KCNJ16: variants seen among roughly 807,000 people sequenced by gnomAD.
The protein encoded by KCNJ16 is potassium inwardly rectifying channel subfamily J member 16, also known as inward rectifier potassium channel 16.
KCNJ16 carries 15 observed loss-of-function variants against 18.5 expected under a neutral mutation model. That is an observed-to-expected ratio of 0.81 (90% CI 0.54 to 1.25). KCNJ16 has a LOEUF of 1.25. KCNJ16 is among the 50% of genes most tolerant of loss of function. The pLI, the probability that KCNJ16 is intolerant of heterozygous loss-of-function variation, is 0.00. For missense variants in KCNJ16, 523 were observed against 525.7 expected (o/e 0.99, Z 0.05); for synonymous variants, 174 against 186.5 (o/e 0.93, Z 0.55).
At position 70,104,736 on chromosome 17, in the gene KCNJ16, G is replaced by C. The variant is rs140339551; in HGVS notation, c.-191+3970G>C. On this transcript the variant is annotated intron_variant, in intron 2 of 3. Transcript: ENST00000392671. ...GATCAGAAAACAAAGATGTAAATAG[G>C]CATGGAAGAAGGCTATTCTTGGTTC... The C allele has an allele frequency of 3.9e-5, 6 of 152,580 alleles. No individual in the cohort carries two copies. The South Asian group carries it at 1.2e-3, about 32-fold the overall frequency. 9.5% of individuals were successfully genotyped at this position (152,580 alleles called of 1,614,324 possible).
At chr17:70,089,102 C>T (rs1490290410) in intron 1 of KCNJ16, among the ~76,000 whole-genome samples, 2 of 152,162 alleles carry the variant, frequency 1.3e-5, no homozygotes, top group African/African-American at 4.8e-5. Flanking sequence ...GTATGTAACA[C>T]AGGAATACAA....
At chr17:70,084,746 G>A (rs961636499) in intron 1 of KCNJ16, among the ~76,000 whole-genome samples, 6 of 151,982 alleles carry the variant, frequency 3.9e-5, no homozygotes, top group Non-Finnish European at 7.4e-5. Flanking sequence ...TGTTTGCCCC[G>A]CTTTCATATA....
At chr17:70,129,143 C>G (rs1388741841) in intron 2 of KCNJ16, among the ~76,000 whole-genome samples, 1 of 152,184 alleles carries the variant, frequency 6.6e-6, no homozygotes, top group Non-Finnish European at 1.5e-5. Flanking sequence ...GAAAGTCTTT[C>G]AATAGCCACC....
Position 70,132,125 on chromosome 17 carries a change from C to T in KCNJ16, c.38C>T (p.Ala13Val), listed in dbSNP as rs1392070150. 6.2e-6 allele frequency: 10 copies of T among 1,614,138 alleles called. No individual in the cohort carries two copies. Among genetic ancestry groups the T allele is most frequent in the Middle Eastern group, 1.6e-4 (1 of 6,062 alleles). The part of the protein sequence containing the change: ...YYGSSYHIIN[A>V]DAKYPGYPPE... Reference sequence around the variant, plus strand: ...GGCAGCAGCTATCATATTATCAATGCGGACGCAAAATACCCAGGCTACCCG... The same window carrying T: ...GGCAGCAGCTATCATATTATCAATGTGGACGCAAAATACCCAGGCTACCCG... The change falls in exon 4 of 4, where the codon GCG becomes GTG. Residue 13 changes from alanine (A) to valine (V), a missense_variant. Ala to Val is a moderately conservative substitution (Grantham distance 64). Transcript: ENST00000392671.
intron 1 of KCNJ16, among the ~76,000 whole-genome samples, chr17:70,075,683 A>G (rs576541066): frequency 6.6e-6 from 1 of 152,284 alleles, no homozygotes; most frequent in East Asian, 1.9e-4. Context: ...AATGTCTAAA[A>G]GTGGCTTTAT....
At chr17:70,083,573 T>C (rs1329282613) in intron 1 of KCNJ16, among the ~76,000 whole-genome samples, 2 of 152,080 alleles carry the variant, frequency 1.3e-5, no homozygotes, top group African/African-American at 4.8e-5. Flanking sequence ...CTGTACAGGC[T>C]TGTAGCTTAG....
chr17:70,102,824 T>C (rs1188383573), intron 2 of KCNJ16, among the ~76,000 whole-genome samples: 2 of 152,172 alleles, frequency 1.3e-5, no homozygotes, highest in Admixed American at 6.5e-5. Context: ...TGTTGTGACA[T>C]CTTTCATCAA....
At chr17:70,111,487 T>G (rs1300532081) in intron 2 of KCNJ16, among the ~76,000 whole-genome samples, 3 of 152,112 alleles carry the variant, frequency 2.0e-5, no homozygotes, top group Non-Finnish European at 4.4e-5. Flanking sequence ...GTTGCACTAT[T>G]AGACTTCCTG....
intron 2 of KCNJ16, among the ~76,000 whole-genome samples, chr17:70,103,333 T>TCACACATA (rs1276631412): frequency 6.8e-5 from 2 of 29,368 alleles, no homozygotes; most frequent in Non-Finnish European, 1.6e-4. Flanking sequence ...CACACACATA[T>TCACACATA]ATATATATTT....
intron 1 of KCNJ16, among the ~76,000 whole-genome samples, chr17:70,080,102 A>T (rs1465027973): frequency 6.6e-6 from 1 of 152,202 alleles, no homozygotes; most frequent in Non-Finnish European, 1.5e-5. Flanking sequence ...TTTCTGAGAC[A>T]CTGACAGTGA....
intron 1 of KCNJ16, among the ~76,000 whole-genome samples, chr17:70,097,304 G>A (rs140929012): frequency 3.8e-4 from 58 of 152,234 alleles, no homozygotes; most frequent in African/African-American, 1.3e-3. Flanking sequence ...AACATTTTTG[G>A]AGCAAATATT....
chr17:70,122,496 T>C (rs752728217), intron 2 of KCNJ16, among the ~76,000 whole-genome samples: 2 of 152,162 alleles, frequency 1.3e-5, no homozygotes, highest in Non-Finnish European at 2.9e-5. Flanking sequence ...TTTAAAAAGG[T>C]ACATGTAATT....
chr17:70,111,756 C>T (rs1329759493), intron 2 of KCNJ16, among the ~76,000 whole-genome samples: 4 of 152,000 alleles, frequency 2.6e-5, no homozygotes, highest in South Asian at 2.1e-4. Flanking sequence ...GTAAGTCTCA[C>T]GAGAGCTGAT....
At chr17:70,085,094 T>C (rs1249190473) in intron 1 of KCNJ16, among the ~76,000 whole-genome samples, 2 of 152,200 alleles carry the variant, frequency 1.3e-5, no homozygotes, top group African/African-American at 4.8e-5. Flanking sequence ...GCTCATCATC[T>C]TGTTAAAGGG....
At position 70,133,318 on chromosome 17, in the gene KCNJ16, A is replaced by G. The variant is rs2074133814; in HGVS notation, c.1231A>G (p.Arg411Gly). The part of the protein sequence containing the change: ...PYQKALLTLN[R>G]ISVESQM ...TCAGAAAGCTCTCCTGACTTTAAAC[A>G]GAATCTCTGTAGAATCCCAAATGTA... Residue 411 changes from arginine to glycine, a missense_variant, in exon 4 of 4, where the codon AGA (arginine) becomes GGA (glycine). Coordinates refer to ENST00000392671, the MANE Select transcript of KCNJ16 (RefSeq NM_170741.4). 1 of 1,613,582 alleles carries G rather than the reference A, an allele frequency of 6.2e-7. No homozygotes were observed. The highest frequency in any genetic ancestry group is 1.7e-4 in the Middle Eastern group (1 of 6,058).
intron 2 of KCNJ16, among the ~76,000 whole-genome samples, chr17:70,109,545 T>C (rs2073092840): frequency 6.6e-6 from 1 of 150,478 alleles, no homozygotes; most frequent in South Asian, 2.1e-4. Flanking sequence ...CAACACTGGG[T>C]TTTCCCCTCT....
rs540187556 is a variant in KCNJ16, at chr17:70,094,635, A to G, written c.-299-6023A>G. ...AGGTGAAAGGTGGGGGGAATAACAT[A>G]TATTTTCTTAATTTTTTGTGATTAA... is the stretch of plus-strand genomic sequence containing the variant. On this transcript the variant is annotated intron_variant, in intron 1 of 3. Coordinates refer to ENST00000392671, the MANE Select transcript of KCNJ16 (RefSeq NM_170741.4). Among the ~76,000 whole-genome samples the G allele has an allele frequency of 1.1e-4, 17 of 148,650 alleles. No homozygotes were observed. The South Asian group carries it at 3.6e-3, about 32-fold the overall frequency.
Position 70,132,650 on chromosome 17 carries a change from C to T in KCNJ16, c.563C>T (p.Ala188Val). 1 of 1,614,150 alleles carries T rather than the reference C, an allele frequency of 6.2e-7. No homozygotes were observed. The highest frequency in any genetic ancestry group is 1.1e-5 in the South Asian group (1 of 91,076). ...CAAACCATTCGTTTCAGCTACTTTGCACTTATAGGTATGAGAGATGGGAAG... is the reference window on the plus strand; with the variant it reads ...CAAACCATTCGTTTCAGCTACTTTGTACTTATAGGTATGAGAGATGGGAAG... ...RAQTIRFSYF[A>V]LIGMRDGKLC... Residue 188 changes from alanine (A) to valine (V), a missense_variant, in exon 4 of 4, where the codon GCA becomes GTA. By Grantham distance (64) the Ala-to-Val change is moderately conservative. Transcript: ENST00000392671.
intron 1 of KCNJ16, among the ~76,000 whole-genome samples, chr17:70,098,443 T>C (rs1339034099): frequency 1.3e-5 from 2 of 152,046 alleles, no homozygotes; most frequent in African/African-American, 4.8e-5. Flanking sequence ...TGCTGAGTTA[T>C]AGGAAAACAA....
Sources: allele counts gnomAD v4.1 joint callset (sites outside exome capture counted in the v4.1 genomes callset), GRCh38; gene constraint gnomAD v4.1.1; transcripts MANE v1.5; gene names NCBI Gene and HGNC (gene_info 2026-07-23, HGNC 2026-07-21).